Variants in NFYC observed in about 807,000 individuals in gnomAD.
NFYC encodes the protein CAAT box DNA-binding protein subunit C.
NFYC carries 25 observed loss-of-function variants against 53.1 expected under a neutral mutation model. The observed-to-expected ratio is 0.47, with a 90% CI of 0.34 to 0.66. The LOEUF is 0.66. Ranked by LOEUF, NFYC falls within the 30% of genes least tolerant of loss-of-function variation. The pLI is 0.01. For missense variants in NFYC, 260 were observed against 422.7 expected (o/e 0.62, Z 3.38); for synonymous variants, 145 against 152.6 (o/e 0.95, Z 0.37).
intron 1 of NFYC, among the ~76,000 whole-genome samples, chr1:40,730,289 C>T (rs753127949): frequency 3.3e-5 from 5 of 149,478 alleles, no homozygotes; most frequent in African/African-American, 5.0e-5. Context: ...AGTCAGCCCT[C>T]CTTGGTGCCT....
intron 1 of NFYC, among the ~76,000 whole-genome samples, chr1:40,699,181 A>G (rs1208757415): frequency 6.7e-6 from 1 of 150,134 alleles, no homozygotes; most frequent in South Asian, 2.1e-4. Flanking sequence ...AAAACAAAAC[A>G]AAACCAAAAA....
At chr1:40,755,588 C>T (rs1429321939) in intron 5 of NFYC, among the ~76,000 whole-genome samples, 2 of 152,156 alleles carry the variant, frequency 1.3e-5, no homozygotes, top group African/African-American at 4.8e-5. Context: ...ATCTTTTCAC[C>T]CATTTCTTTA....
intron 2 of NFYC, among the ~76,000 whole-genome samples, chr1:40,742,357 A>C (rs971735451): frequency 6.6e-6 from 1 of 152,182 alleles, no homozygotes; most frequent in African/African-American, 2.4e-5. Flanking sequence ...ATGAGTGTGC[A>C]AATACCTCTT....
intron 5 of NFYC, among the ~76,000 whole-genome samples, chr1:40,755,918 A>G (rs1259857849): frequency 1.3e-5 from 2 of 152,104 alleles, no homozygotes; most frequent in Non-Finnish European, 2.9e-5. Flanking sequence ...AAAAGATCAT[A>G]TTCAATACTA....
chr1:40,724,804 A>T (rs923005218), intron 1 of NFYC, among the ~76,000 whole-genome samples: 1 of 127,620 alleles, frequency 7.8e-6, no homozygotes, highest in East Asian at 2.0e-4. Flanking sequence ...ATAGAAAAGT[A>T]TTTTTGTTTT....
intron 1 of NFYC, among the ~76,000 whole-genome samples, chr1:40,705,370 C>T (rs1014932090): frequency 1.3e-5 from 2 of 151,680 alleles, no homozygotes; most frequent in African/African-American, 4.8e-5. Flanking sequence ...AGAGAAGCTC[C>T]AGTACAGATA....
intron 5 of NFYC, among the ~76,000 whole-genome samples, chr1:40,756,613 C>G (rs1646236742): frequency 6.6e-6 from 1 of 152,170 alleles, no homozygotes; most frequent in Non-Finnish European, 1.5e-5. Flanking sequence ...ACAGGGGACA[C>G]TAGCTGCTTC....
At chr1:40,758,396 G>T (rs1646347592) in intron 6 of NFYC, 102 bp downstream of exon 6, 9 of 1,275,410 alleles carry the variant, frequency 7.1e-6, no homozygotes, top group Non-Finnish European at 9.5e-6. Flanking sequence ...GATCATTATA[G>T]AGCACTGGAT....
intron 1 of NFYC, among the ~76,000 whole-genome samples, chr1:40,698,731 T>C (rs1433461177): frequency 6.6e-6 from 1 of 152,154 alleles, no homozygotes; most frequent in Non-Finnish European, 1.5e-5. Flanking sequence ...CAATAGTATA[T>C]CCTTTGCCTC....
intron 1 of NFYC, among the ~76,000 whole-genome samples, chr1:40,701,608 T>C (rs527377795): frequency 4.4e-4 from 67 of 152,356 alleles, no homozygotes; most frequent in Non-Finnish European, 9.1e-4. Context: ...GCTATGCTTA[T>C]GTCCTCCCAT....
chr1:40,735,900 T>A (rs922932639), intron 1 of NFYC: 31 of 334,216 alleles, frequency 9.3e-5, no homozygotes, highest in Non-Finnish European at 1.2e-4. Context: ...ATAACTAAAC[T>A]TCTCTAGATT....
In NFYC at chr1:40,753,310, A is replaced by G. The variant is rs1646019202; in HGVS notation, c.387+64A>G. ...AGCGCTTTGTATACTGGTGTCAGAT[A>G]CGCTCCTTCTCTCTCAGCACAAGTC... is the stretch of plus-strand genomic sequence containing the variant. On this transcript the variant is annotated intron_variant, in intron 5 of 9. Transcript: ENST00000447388. 3.3e-5 allele frequency: 36 copies of G among 1,086,108 alleles called. 1 individual carries two copies. In the South Asian group the frequency reaches 4.4e-4, roughly 13 times the overall value. The allele number at this position is 1,086,108 out of a possible 1,614,324, so 67.3% of individuals were successfully genotyped here.
chr1:40,712,247 A>T (rs1643951434), intron 1 of NFYC, among the ~76,000 whole-genome samples: 1 of 152,202 alleles, frequency 6.6e-6, no homozygotes, highest in Non-Finnish European at 1.5e-5. Context: ...TTATGCTGAC[A>T]TGACCCTATT....
intron 1 of NFYC, among the ~76,000 whole-genome samples, chr1:40,732,837 C>G (rs1287172416): frequency 3.3e-5 from 5 of 152,134 alleles, no homozygotes; most frequent in Admixed American, 3.3e-4. Flanking sequence ...CTGTCATCCC[C>G]TTTTATTTTA....
intron 1 of NFYC, among the ~76,000 whole-genome samples, chr1:40,703,134 A>T (rs1174564736): frequency 3.9e-5 from 6 of 152,024 alleles, no homozygotes; most frequent in Non-Finnish European, 5.9e-5. Context: ...TGTTTTTTTT[A>T]AAACTTGAAC....
chr1:40,695,774 C>T (rs1221208112), intron 1 of NFYC: 1 of 152,034 alleles, frequency 6.6e-6, no homozygotes, highest in African/African-American at 2.4e-5. Flanking sequence ...TCTTTTAGTT[C>T]AAAAGTACTG....
In NFYC at chr1:40,753,393, C is replaced by T; in HGVS notation, c.387+147C>T. Reference sequence around the variant, plus strand: ...CCAGATTCATTCTTAACATCTCCTTCTGTTACTCATTTCTGGATACTTTTA... The same window carrying T: ...CCAGATTCATTCTTAACATCTCCTTTTGTTACTCATTTCTGGATACTTTTA... On this transcript the variant is annotated intron_variant, in intron 5 of 9. Coordinates refer to ENST00000447388, the MANE Select transcript of NFYC (RefSeq NM_014223.5). 1.6e-5 allele frequency: 9 copies of T among 571,180 alleles called. No homozygotes were observed. In the South Asian group the frequency reaches 2.2e-4, roughly 14 times the overall value. The allele number at this position is 571,180 out of a possible 1,614,324, so 35.4% of individuals were successfully genotyped here. A position where few individuals can be genotyped will look rare whatever the true frequency, so the allele number is the denominator to read the frequency against.
chr1:40,702,542 C>T (rs2148422297), intron 1 of NFYC, among the ~76,000 whole-genome samples: 1 of 151,926 alleles, frequency 6.6e-6, no homozygotes, highest in East Asian at 1.9e-4. Flanking sequence ...TGGGGTTTCA[C>T]CATGTTAGCC....
At chr1:40,717,296 G>C (rs1307773876) in intron 1 of NFYC, among the ~76,000 whole-genome samples, 1 of 151,966 alleles carries the variant, frequency 6.6e-6, no homozygotes, top group East Asian at 1.9e-4. Context: ...GCTTTTTTTG[G>C]TTGCACACCC....
Sources: allele counts gnomAD v4.1 joint callset (sites outside exome capture counted in the v4.1 genomes callset), GRCh38; gene constraint gnomAD v4.1.1; transcripts MANE v1.5; gene names NCBI Gene and HGNC (gene_info 2026-07-23, HGNC 2026-07-21).